Variants in SSH2 observed in about 807,000 individuals in gnomAD.
The protein encoded by SSH2 is slingshot protein phosphatase 2, also known as protein phosphatase Slingshot homolog 2.
SSH2 carries 37 observed loss-of-function variants against 135.2 expected under a neutral mutation model. The ratio of observed to expected loss-of-function variants is 0.27; its 90% confidence interval spans 0.21 to 0.36. The LOEUF (loss-of-function observed/expected upper bound fraction) is 0.36. Among genes scored for constraint, SSH2 ranks in the 10% least tolerant of loss-of-function variants. SSH2 has a pLI of 1.00. For synonymous variants in SSH2, 628 were observed against 646.2 expected (o/e 0.97, Z 0.43); for missense variants, 1,408 against 1,765.3 (o/e 0.80, Z 3.63).
At chr17:29,793,619 G>A (rs2042108962) in intron 3 of SSH2, 1 of 267,060 alleles carries the variant, frequency 3.7e-6, no homozygotes, top group African/African-American at 2.2e-5. Flanking sequence ...GATTCCTAAA[G>A]CATTCGCTCT....
At position 29,655,522 on chromosome 17, in the gene SSH2, T is replaced by C. The variant is rs764118043; in HGVS notation, c.1079+39A>G. ...AAAATGAAGATAAAACAGGGACTTC[T>C]GTTACACAGGGGTGCCAGCTATTGC... On this transcript the variant is annotated intron_variant, in intron 12 of 15. Coordinates refer to ENST00000540801, the MANE Select transcript of SSH2 (RefSeq NM_001282129.2). 22 of 1,600,318 alleles carry C rather than the reference T, an allele frequency of 1.4e-5. 1 individual carries two copies. The highest frequency in any genetic ancestry group is 1.6e-4 in the Middle Eastern group (1 of 6,066).
intron 1 of SSH2, among the ~76,000 whole-genome samples, chr17:29,926,008 A>T (rs578252499): frequency 6.6e-6 from 1 of 152,334 alleles, no homozygotes; most frequent in Admixed American, 6.5e-5. Context: ...ATTATCTAGG[A>T]AGAACAATAT....
At chr17:29,697,986 C>T (rs1303456249) in intron 4 of SSH2, among the ~76,000 whole-genome samples, 1 of 152,084 alleles carries the variant, frequency 6.6e-6, no homozygotes, top group Non-Finnish European at 1.5e-5. Context: ...TGGTATTATC[C>T]ACAAAATGTA....
At chr17:29,836,628 C>G (rs2042948312) in intron 2 of SSH2, among the ~76,000 whole-genome samples, 1 of 152,174 alleles carries the variant, frequency 6.6e-6, no homozygotes, top group African/African-American at 2.4e-5. Flanking sequence ...CATGGTAGTG[C>G]TCAAGAAATG....
At chr17:29,690,315 G>A (rs1598808857) in intron 5 of SSH2, among the ~76,000 whole-genome samples, 1 of 150,988 alleles carries the variant, frequency 6.6e-6, no homozygotes, top group East Asian at 2.0e-4. Context: ...TGAGGCAGGA[G>A]AATCGCTTGA....
intron 2 of SSH2, among the ~76,000 whole-genome samples, chr17:29,846,416 C>T (rs1333905673): frequency 4.6e-5 from 7 of 152,194 alleles, no homozygotes; most frequent in Non-Finnish European, 1.0e-4. Context: ...GTGATGAGCT[C>T]ATGATGGCTA....
intron 3 of SSH2, among the ~76,000 whole-genome samples, chr17:29,774,050 C>T (rs2041644658): frequency 6.6e-6 from 1 of 152,096 alleles, no homozygotes; most frequent in African/African-American, 2.4e-5. Context: ...GCATAAGGAG[C>T]ATATACATAC....
At chr17:29,648,083 C>T (rs2036449411) in intron 14 of SSH2, 61 bp downstream of exon 14, 1 of 1,465,844 alleles carries the variant, frequency 6.8e-7, no homozygotes, top group Non-Finnish European at 9.6e-7. Flanking sequence ...CAGAGAAGGA[C>T]ACTTCATCTT....
intron 2 of SSH2, among the ~76,000 whole-genome samples, chr17:29,804,661 A>C (rs994299313): frequency 2.6e-5 from 4 of 152,098 alleles, no homozygotes; most frequent in Admixed American, 1.3e-4. Flanking sequence ...TTAGAAAGCA[A>C]CAAGTCTTTG....
At chr17:29,704,038 A>G (rs1367612895) in intron 3 of SSH2, among the ~76,000 whole-genome samples, 3 of 152,226 alleles carry the variant, frequency 2.0e-5, no homozygotes, top group Non-Finnish European at 2.9e-5. Flanking sequence ...AAGTTGTTGT[A>G]AAGAGCCAAT....
chr17:29,722,953 T>C (rs919591322), intron 3 of SSH2, among the ~76,000 whole-genome samples: 2 of 152,232 alleles, frequency 1.3e-5, no homozygotes, highest in African/African-American at 2.4e-5. Flanking sequence ...AATAATTTCT[T>C]AGATTAAGTT....
chr17:29,637,674 C>T (rs1335287157), intron 14 of SSH2, among the ~76,000 whole-genome samples: 1 of 151,514 alleles, frequency 6.6e-6, no homozygotes, highest in African/African-American at 2.4e-5. Flanking sequence ...CTTAGCTACT[C>T]AGGGGGCTGA....
At chr17:29,833,755 C>T (rs1171006003) in intron 2 of SSH2, among the ~76,000 whole-genome samples, 1 of 85,008 alleles carries the variant, frequency 1.2e-5, no homozygotes, top group African/African-American at 4.9e-5. Flanking sequence ...TCCTTCTTTC[C>T]TCCCTCCCTT....
intron 2 of SSH2, among the ~76,000 whole-genome samples, chr17:29,798,378 C>T (rs536684918): frequency 5.3e-5 from 8 of 151,872 alleles, no homozygotes; most frequent in African/African-American, 7.3e-5. Flanking sequence ...AGGGTGGTCT[C>T]GAACTCCTGA....
chr17:29,729,155 C>T (rs145620671), intron 3 of SSH2, among the ~76,000 whole-genome samples: 9 of 152,084 alleles, frequency 5.9e-5, no homozygotes, highest in African/African-American at 2.2e-4. Flanking sequence ...GGATTGATAA[C>T]CAGATTAATA....
intron 2 of SSH2, among the ~76,000 whole-genome samples, chr17:29,813,102 G>C (rs914315395): frequency 1.3e-5 from 2 of 152,180 alleles, no homozygotes; most frequent in African/African-American, 4.8e-5. Context: ...AAAAATGGGG[G>C]CAGGGCACGG....
At chr17:29,927,489 T>C (rs1380339480) in intron 1 of SSH2, among the ~76,000 whole-genome samples, 1 of 152,246 alleles carries the variant, frequency 6.6e-6, no homozygotes, top group Non-Finnish European at 1.5e-5. Flanking sequence ...ATTAACAGCG[T>C]ACTTAAAGTG....
At chr17:29,880,577 T>G (rs911219476) in intron 1 of SSH2, among the ~76,000 whole-genome samples, 1 of 152,200 alleles carries the variant, frequency 6.6e-6, no homozygotes, top group African/African-American at 2.4e-5. Context: ...ACACAGAGAC[T>G]CCAACAATTC....
intron 1 of SSH2, among the ~76,000 whole-genome samples, chr17:29,862,779 T>G (rs1444592676): frequency 2.6e-5 from 4 of 152,224 alleles, no homozygotes; most frequent in Non-Finnish European, 5.9e-5. Context: ...AACACACAAC[T>G]GTGTTATGGT....
Sources: gnomAD v4.1 joint callset for allele counts (sites outside exome capture counted in the v4.1 genomes callset) on GRCh38, gnomAD v4.1.1 for gene constraint, MANE v1.5 for transcripts, NCBI Gene and HGNC (gene_info 2026-07-23, HGNC 2026-07-21) for gene names.